Variants in PNLIPRP1 observed in about 807,000 individuals in gnomAD.
PNLIPRP1 encodes inactive pancreatic lipase-related protein 1.
PNLIPRP1 carries 57 observed loss-of-function variants against 54.6 expected under a neutral mutation model. The observed-to-expected ratio is 1.04, with a 90% CI of 0.84 to 1.30. The LOEUF is 1.30. Among genes scored for constraint, PNLIPRP1 ranks in the 50% most tolerant of loss-of-function variants. The pLI is 0.00. For missense variants in PNLIPRP1, 567 were observed against 568.5 expected (o/e 1.00, Z 0.03); for synonymous variants, 232 against 208.8 (o/e 1.11, Z -0.96).
In PNLIPRP1 at chr10:116,596,281, G is replaced by A; in HGVS notation, c.533G>A (p.Gly178Glu). ...IGHSLGAHVA[G>E]EAGSKTPGLS... is the part of the protein sequence containing the mutation. ...CACAGCCTGGGAGCCCACGTGGCTGGAGAGGCAGGAAGCAAGACTCCAGGC... is the reference window on the plus strand; with the variant it reads ...CACAGCCTGGGAGCCCACGTGGCTGAAGAGGCAGGAAGCAAGACTCCAGGC... The change falls in exon 6 of 13, where the codon GGA (glycine) becomes GAA (glutamate). Residue 178 changes from glycine (G) to glutamate (E), a missense_variant. Coordinates refer to ENST00000358834, the MANE Select transcript of PNLIPRP1 (RefSeq NM_006229.4). 2 of 1,613,994 alleles carry A rather than the reference G, an allele frequency of 1.2e-6. No individual in the cohort carries two copies. Among genetic ancestry groups the A allele is most frequent in the Non-Finnish European group, 1.7e-6 (2 of 1,179,870 alleles).
At chr10:116,597,231 TCTTA>T (rs1326557396) in intron 6 of PNLIPRP1, among the ~76,000 whole-genome samples, 1 of 152,228 alleles carries the variant, frequency 6.6e-6, no homozygotes, top group African/African-American at 2.4e-5. Flanking sequence ...ATTATTAATA[TCTTA>T]CTTATACACC....
intron 12 of PNLIPRP1, among the ~76,000 whole-genome samples, chr10:116,607,766 T>C (rs1847960063): frequency 1.3e-5 from 2 of 152,216 alleles, no homozygotes; most frequent in Admixed American, 6.5e-5. Context: ...CAAAAATAAC[T>C]GCTTACATCT....
chr10:116,591,024 C>T, intron 1 of PNLIPRP1, 29 bp downstream of exon 1: 1 of 809,820 alleles, frequency 1.2e-6, no homozygotes. Context: ...TCCTTTCCCC[C>T]TGCTGTGACG....
At chr10:116,608,186 G>A (rs1847969175) in intron 12 of PNLIPRP1, among the ~76,000 whole-genome samples, 1 of 152,172 alleles carries the variant, frequency 6.6e-6, no homozygotes, top group South Asian at 2.1e-4. Flanking sequence ...CTGTGTCATT[G>A]GAGGGAATCC....
chr10:116,600,013 C>A (rs1554864537), intron 8 of PNLIPRP1, 34 bp from the exon 9 acceptor site: 1 of 1,417,474 alleles, frequency 7.1e-7, no homozygotes, highest in Non-Finnish European at 1.0e-6. Flanking sequence ...AGGCCCCCAA[C>A]CACCTGTTCA....
intron 10 of PNLIPRP1, among the ~76,000 whole-genome samples, chr10:116,601,571 C>T (rs962203278): frequency 1.3e-5 from 2 of 152,162 alleles, no homozygotes; most frequent in African/African-American, 2.4e-5. Context: ...GTAATTGGTA[C>T]CAGCTCTTTG....
intron 10 of PNLIPRP1, 110 bp from the exon 11 acceptor site, chr10:116,603,920 A>G: frequency 1.9e-6 from 1 of 530,002 alleles, no homozygotes; most frequent in Non-Finnish European, 3.3e-6. Context: ...ATTTTTTAGA[A>G]AAGAATTTCT....
intron 12 of PNLIPRP1, 127 bp from the exon 13 acceptor site, chr10:116,608,926 T>A: frequency 1.3e-6 from 1 of 760,528 alleles, no homozygotes; most frequent in Non-Finnish European, 2.4e-6. Flanking sequence ...GAATCACTCA[T>A]CAACTGTGAC....
intron 6 of PNLIPRP1, among the ~76,000 whole-genome samples, chr10:116,597,442 T>C (rs994447042): frequency 6.6e-6 from 1 of 152,200 alleles, no homozygotes; most frequent in Non-Finnish European, 1.5e-5. Flanking sequence ...CCAGGCAACC[T>C]AGACCCAGAA....
intron 4 of PNLIPRP1, chr10:116,593,730 G>C (rs1847682807): frequency 6.6e-6 from 1 of 152,268 alleles, no homozygotes; most frequent in Non-Finnish European, 1.5e-5. Flanking sequence ...GGCCGAGGCG[G>C]GTGGATCACC....
In PNLIPRP1 at chr10:116,600,094, T is replaced by TA; in HGVS notation, c.863dup (p.Tyr288Ter). 6.2e-7 allele frequency: 1 copy of TA among 1,614,094 alleles called. No homozygotes were observed. The highest frequency in any genetic ancestry group is 8.5e-7 in the Non-Finnish European group (1 of 1,179,976). ...CAATCACCTAAGAAGCTACAAGTAT[T>TA]ACTTGGAAAGCATCCTCAATCCCGA... Reference protein sequence around the residue: ...ACNHLRSYKYYLESILNPDGF... With the variant: ...ACNHLRSYKY Residue 288 changes from tyrosine (Y) to a stop codon, truncating the protein, a stop_gained and frameshift_variant, in exon 9 of 13, where the codon TAC becomes TAAC. Transcript: ENST00000358834. LOFTEE classifies it high-confidence loss of function.
In PNLIPRP1 at chr10:116,598,185, G is replaced by C. The variant is rs1847771443; in HGVS notation, c.814+19G>C. 1 of 1,609,040 alleles carries C rather than the reference G, an allele frequency of 6.2e-7. No individual in the cohort carries two copies. Among genetic ancestry groups the C allele is most frequent in the Non-Finnish European group, 8.5e-7 (1 of 1,177,962 alleles). On this transcript the variant is annotated intron_variant, in intron 8 of 12. Coordinates refer to ENST00000358834, the MANE Select transcript of PNLIPRP1 (RefSeq NM_006229.4). ...TGGGCGGGTAAAGTCATGGTGGGGT[G>C]AGGGGAGCAGGGCGGGTACTTTCCT...
intron 10 of PNLIPRP1, among the ~76,000 whole-genome samples, chr10:116,603,484 C>T (rs1466825552): frequency 6.6e-6 from 1 of 152,156 alleles, no homozygotes; most frequent in Non-Finnish European, 1.5e-5. Flanking sequence ...TAAATGTAAG[C>T]AGCCACATGT....
At position 116,591,188 on chromosome 10, in the gene PNLIPRP1, A is replaced by C; in HGVS notation, c.49+10A>C. ...CTGGGAGCAGCCAAAGGTAAGAAAC[A>C]CCACTCCTGCCCCGTAGGAAGGGCT... On this transcript the variant is annotated intron_variant, in intron 2 of 12. Transcript: ENST00000358834. 1 of 1,609,826 alleles carries C rather than the reference A, an allele frequency of 6.2e-7. No individual in the cohort carries two copies. The highest frequency in any genetic ancestry group is 8.5e-7 in the Non-Finnish European group (1 of 1,176,676).
At chr10:116,591,224 C>G in intron 2 of PNLIPRP1, 46 bp downstream of exon 2, 1 of 1,493,752 alleles carries the variant, frequency 6.7e-7, no homozygotes, top group Non-Finnish European at 9.3e-7. Flanking sequence ...TAAACTTAAG[C>G]TCTCAGCCCT....
At chr10:116,598,817 C>A (rs1002035441) in intron 8 of PNLIPRP1, among the ~76,000 whole-genome samples, 1 of 152,204 alleles carries the variant, frequency 6.6e-6, no homozygotes. Flanking sequence ...GGACAATGGA[C>A]AGGTGAAGTT....
chr10:116,597,985 C>G, intron 7 of PNLIPRP1, 38 bp downstream of exon 7: 1 of 1,614,136 alleles, frequency 6.2e-7, no homozygotes, highest in East Asian at 2.2e-5. Flanking sequence ...GCACGCACAA[C>G]TGTGTTTTAA....
intron 5 of PNLIPRP1, 181 bp downstream of exon 5, chr10:116,595,045 G>A (rs923398568): frequency 5.1e-5 from 34 of 670,254 alleles, no homozygotes; most frequent in Non-Finnish European, 6.8e-5. Context: ...AATAAGAATC[G>A]CTAACACTTA....
At position 116,591,146 on chromosome 10, in the gene PNLIPRP1, C is replaced by A; in HGVS notation, c.17C>A (p.Thr6Lys). 1 of 1,613,508 alleles carries A rather than the reference C, an allele frequency of 6.2e-7. No homozygotes were observed. The highest frequency in any genetic ancestry group is 8.5e-7 in the Non-Finnish European group (1 of 1,179,746). The stretch of plus-strand genomic sequence containing the variant: ...TTATTGTAGATGCTGATCTTCTGGA[C>A]AATCACACTTTTCCTGCTGGGAGCA... MLIFW[T>K]ITLFLLGAAK... Residue 6 changes from threonine (T) to lysine (K), a missense_variant, in exon 2 of 13, where the codon ACA becomes AAA. Coordinates refer to ENST00000358834, the MANE Select transcript of PNLIPRP1 (RefSeq NM_006229.4).
Sources: allele counts gnomAD v4.1 joint callset (sites outside exome capture counted in the v4.1 genomes callset), GRCh38; gene constraint gnomAD v4.1.1; transcripts MANE v1.5; gene names NCBI Gene and HGNC (gene_info 2026-07-23, HGNC 2026-07-21).